JMJD1C: variants seen among roughly 807,000 people sequenced by gnomAD.
JMJD1C encodes jumonji domain containing 1C, also known as jumonji domain-containing protein 1C.
In JMJD1C, 31 loss-of-function variants were observed where a neutral mutation model predicts 245.3. The ratio of observed to expected loss-of-function variants is 0.13; its 90% CI spans 0.09 to 0.17. The LOEUF (loss-of-function observed/expected upper bound fraction) is 0.17. JMJD1C is among the 10% of genes least tolerant of loss of function. JMJD1C has a pLI of 1.00. For synonymous variants in JMJD1C, 1,057 were observed against 1,017.4 expected (o/e 1.04, Z -0.74); for missense variants, 2,691 against 3,000.2 (o/e 0.90, Z 2.41).
chr10:63,209,107 A>G lies in JMJD1C; in HGVS notation c.2823T>C (p.His941=). ...AAGTTTTTGTCAATGGTGGACTGGA[A>G]TGGGCTGTAATTTTAAGAGGCCGAT... ...EPHRPLKITA[H]SSPPLTKTLV... is the part of the protein sequence containing the mutation. The change falls in exon 9 of 26, where the codon CAT becomes CAC. Residue 941 remains histidine (H), a synonymous_variant. Transcript: ENST00000399262. 6.2e-7 allele frequency: 1 copy of G among 1,613,956 alleles called. No individual in the cohort carries two copies. Among genetic ancestry groups the G allele is most frequent in the South Asian group, 1.1e-5 (1 of 91,068 alleles).
At chr10:63,315,642 T>A (rs1011055879) in intron 2 of JMJD1C, among the ~76,000 whole-genome samples, 2 of 151,332 alleles carry the variant, frequency 1.3e-5, no homozygotes, top group Non-Finnish European at 2.9e-5. Flanking sequence ...GAGATTGAGA[T>A]CATCCTGGCC....
At chr10:63,454,713 G>T (rs547336824) in intron 1 of JMJD1C, among the ~76,000 whole-genome samples, 1 of 152,180 alleles carries the variant, frequency 6.6e-6, no homozygotes, top group Non-Finnish European at 1.5e-5. Context: ...TTACAGGCAT[G>T]AGCTACTGCA....
chr10:63,396,425 C>T (rs1948491369), intron 1 of JMJD1C, among the ~76,000 whole-genome samples: 2 of 152,094 alleles, frequency 1.3e-5, no homozygotes, highest in South Asian at 2.1e-4. Flanking sequence ...TCCACCTCTC[C>T]TTTTTTATTT....
At chr10:63,247,719 C>CA (rs71025135) in intron 3 of JMJD1C, among the ~76,000 whole-genome samples, 15,444 of 105,430 alleles carry the variant, frequency 0.15, 2,514 homozygotes, top group African/African-American at 0.38. Context: ...GTGACAGAGC[C>CA]AAAAAAAAAA....
intron 3 of JMJD1C, among the ~76,000 whole-genome samples, chr10:63,251,068 T>C (rs1853000943): frequency 6.6e-6 from 1 of 152,106 alleles, no homozygotes; most frequent in Non-Finnish European, 1.5e-5. Context: ...ACAACTAGCC[T>C]AGGTATTGCG....
intron 21 of JMJD1C, among the ~76,000 whole-genome samples, 154 bp downstream of exon 21, chr10:63,184,454 G>A (rs986247284): frequency 8.5e-5 from 13 of 152,170 alleles, no homozygotes; most frequent in African/African-American, 3.1e-4. Context: ...ATGTTGACCA[G>A]GATGGTCTCA....
intron 1 of JMJD1C, among the ~76,000 whole-genome samples, chr10:63,404,367 T>C (rs1949049478): frequency 6.6e-6 from 1 of 152,204 alleles, no homozygotes; most frequent in Non-Finnish European, 1.5e-5. Context: ...CTAATATTTT[T>C]AATCTTGGCT....
chr10:63,466,946 C>T (rs543199921), upstream of JMJD1C, among the ~76,000 whole-genome samples: 1 of 152,078 alleles, frequency 6.6e-6, no homozygotes, highest in East Asian at 1.9e-4. Flanking sequence ...CTTTATACTG[C>T]TTTTTTATAG....
chr10:63,410,511 G>C (rs1459521514), intron 1 of JMJD1C, among the ~76,000 whole-genome samples: 1 of 152,084 alleles, frequency 6.6e-6, no homozygotes, highest in Non-Finnish European at 1.5e-5. Flanking sequence ...GTCATATGAA[G>C]AACTGGAAAA....
At chr10:63,490,186 C>T (rs1227216512) in intron 1 of JMJD1C, among the ~76,000 whole-genome samples, 4 of 152,180 alleles carry the variant, frequency 2.6e-5, no homozygotes, top group African/African-American at 9.7e-5. Flanking sequence ...GATGTACAAG[C>T]TGTCTCCAAC....
At chr10:63,280,143 T>A (rs1312933636) in intron 2 of JMJD1C, among the ~76,000 whole-genome samples, 1 of 152,056 alleles carries the variant, frequency 6.6e-6, no homozygotes, top group East Asian at 1.9e-4. Context: ...AGGGCGAGAC[T>A]TCATATCAAT....
At chr10:63,269,592 T>C (rs1856036260) in intron 2 of JMJD1C, among the ~76,000 whole-genome samples, 1 of 152,228 alleles carries the variant, frequency 6.6e-6, no homozygotes, top group African/African-American at 2.4e-5. Flanking sequence ...TATTTATTAG[T>C]ATAACCATTT....
At chr10:63,274,532 T>G (rs567629577) in intron 2 of JMJD1C, among the ~76,000 whole-genome samples, 1 of 151,328 alleles carries the variant, frequency 6.6e-6, no homozygotes, top group Admixed American at 6.6e-5. Flanking sequence ...GCCACTGCAC[T>G]CCAGTCTGGG....
chr10:63,385,173 T>C (rs1162781839), intron 1 of JMJD1C, among the ~76,000 whole-genome samples: 1 of 152,096 alleles, frequency 6.6e-6, no homozygotes, highest in Non-Finnish European at 1.5e-5. Flanking sequence ...TGGATTAAGT[T>C]TGCCTTCTTA....
At chr10:63,204,672 T>C in intron 10 of JMJD1C, 1 of 985,404 alleles carries the variant, frequency 1.0e-6, no homozygotes, top group Non-Finnish European at 1.2e-6. Flanking sequence ...TAATCCAATA[T>C]TCAAGTAAAT....
At position 63,387,632 on chromosome 10, in the gene JMJD1C, T is replaced by TTTTTG. The variant is rs1947725333; in HGVS notation, c.169-7151_169-7150insCAAAA. ...CAGAAGAAAAAAGAAAAAAAAAATTTTTTTTTTTTTTTTTTTTTTTTGAGA... is the reference window on the plus strand; with the variant it reads ...CAGAAGAAAAAAGAAAAAAAAAATTTTTTTGTTTTTTTTTTTTTTTTTTTTTGAGA... On this transcript the variant is annotated intron_variant, in intron 1 of 25. Coordinates refer to ENST00000399262, the MANE Select transcript of JMJD1C (RefSeq NM_032776.3). Among the ~76,000 whole-genome samples the TTTTTG allele has an allele frequency of 2.9e-5, 3 of 102,066 alleles. 1 individual carries two copies. Among genetic ancestry groups the TTTTTG allele is most frequent in the African/African-American group, 1.3e-4 (3 of 23,300 alleles). The allele number at this position is 102,066 out of a possible 152,430, so 67.0% of individuals were successfully genotyped here. A position where few individuals can be genotyped will look rare whatever the true frequency, so the allele number is the denominator to read the frequency against.
Position 63,380,575 on chromosome 10 carries a change from G to A in JMJD1C, c.169-93C>T, listed in dbSNP as rs76328374. The A allele has an allele frequency of 8.5e-6, 8 of 938,140 alleles. 1 individual carries two copies. Among genetic ancestry groups the A allele is most frequent in the Middle Eastern group, 6.8e-4 (2 of 2,954 alleles). The allele number at this position is 938,140 out of a possible 1,614,324, so 58.1% of individuals were successfully genotyped here. A position where few individuals can be genotyped will look rare whatever the true frequency, so the allele number is the denominator to read the frequency against. On this transcript the variant is annotated intron_variant, in intron 1 of 25. Transcript: ENST00000399262. ...CATAATAATTGTACATATTTATGGGGTACATATGATATCGTGATACATGCA... is the reference window on the plus strand; with the variant it reads ...CATAATAATTGTACATATTTATGGGATACATATGATATCGTGATACATGCA...
At chr10:63,396,808 A>G (rs1948520820) in intron 1 of JMJD1C, among the ~76,000 whole-genome samples, 1 of 152,062 alleles carries the variant, frequency 6.6e-6, no homozygotes, top group African/African-American at 2.4e-5. Context: ...GCAAAAAAAA[A>G]AAGTATAAAA....
chr10:63,260,755 A>AT (rs35843321), intron 3 of JMJD1C, among the ~76,000 whole-genome samples: 102,215 of 150,726 alleles, frequency 0.68, 36,893 homozygotes, highest in Non-Finnish European at 0.81. Context: ...ACGCCGGTTA[A>AT]TTTTTTTTTG....
Sources: allele counts gnomAD v4.1 joint callset (sites outside exome capture counted in the v4.1 genomes callset), GRCh38; gene constraint gnomAD v4.1.1; transcripts MANE v1.5; gene names NCBI Gene and HGNC (gene_info 2026-07-23, HGNC 2026-07-21).